DRC8: variants seen among roughly 807,000 people sequenced by gnomAD.
The protein encoded by DRC8 is dynein regulatory complex protein 8.
chr1:245,059,082 G>A, the DRC8 span, among the ~76,000 whole-genome samples: 1 of 152,200 alleles, frequency 6.6e-6, no homozygotes, highest in African/African-American at 2.4e-5. Context: ...GGAAACTGAG[G>A]CTCAAAAGAG....
the DRC8 span, among the ~76,000 whole-genome samples, chr1:245,009,038 T>C: frequency 2.7e-4 from 35 of 128,620 alleles, no homozygotes; most frequent in Admixed American, 1.2e-3. Flanking sequence ...CTTTTTTTTT[T>C]TTTTTTTTTT....
the DRC8 span, among the ~76,000 whole-genome samples, chr1:244,975,904 G>A: frequency 6.6e-6 from 1 of 151,906 alleles, no homozygotes; most frequent in African/African-American, 2.4e-5. Flanking sequence ...AAGGAATGCT[G>A]AATAAATGGG....
chr1:245,109,064 C>T, the DRC8 span, among the ~76,000 whole-genome samples: 50 of 152,198 alleles, frequency 3.3e-4, no homozygotes, highest in South Asian at 1.2e-3. Context: ...GGTGTGTTGT[C>T]GAGCCAGTTA....
the DRC8 span, among the ~76,000 whole-genome samples, chr1:245,009,124 C>T: frequency 1.3e-5 from 2 of 150,104 alleles, no homozygotes; most frequent in African/African-American, 4.9e-5. Flanking sequence ...CAACCTCCAC[C>T]TCCCAAGTTC....
chr1:245,110,494 A>G, the DRC8 span, among the ~76,000 whole-genome samples: 1 of 152,256 alleles, frequency 6.6e-6, no homozygotes, highest in Non-Finnish European at 1.5e-5. Flanking sequence ...TTCTTAAATA[A>G]GACAGGACCT....
the DRC8 span, among the ~76,000 whole-genome samples, chr1:245,052,715 G>A: frequency 2.6e-5 from 4 of 152,224 alleles, no homozygotes; most frequent in African/African-American, 9.6e-5. Context: ...ATACCCAGCA[G>A]CTCTGGAGAA....
chr1:244,993,146 A>G, the DRC8 span, among the ~76,000 whole-genome samples: 3 of 152,342 alleles, frequency 2.0e-5, no homozygotes, highest in Admixed American at 1.3e-4. Flanking sequence ...GTAACCAAAC[A>G]TTACTTTTGC....
At chr1:244,987,912 A>G in the DRC8 span, among the ~76,000 whole-genome samples, 1 of 152,214 alleles carries the variant, frequency 6.6e-6, no homozygotes, top group South Asian at 2.1e-4. Flanking sequence ...CAGCTGCACT[A>G]TTTGTTTAAA....
chr1:245,106,823 T>A, the DRC8 span, among the ~76,000 whole-genome samples: 7 of 152,166 alleles, frequency 4.6e-5, no homozygotes, highest in Non-Finnish European at 8.8e-5. Context: ...GGCTGACGGA[T>A]CACCTGAGGT....
chr1:245,087,332 TAACAA>T, the DRC8 span: 1 of 1,602,276 alleles, frequency 6.2e-7, no homozygotes, highest in Non-Finnish European at 8.5e-7. Context: ...AAGGACTATA[TAACAA>T]TGATGGTGAT....
chr1:245,087,212 T>C, the DRC8 span: 9 of 1,598,354 alleles, frequency 5.6e-6, no homozygotes, highest in Non-Finnish European at 7.7e-6. Context: ...CAGATGATCC[T>C]AAATGATAAA....
the DRC8 span, among the ~76,000 whole-genome samples, chr1:245,055,672 T>G: frequency 6.6e-6 from 1 of 152,186 alleles, no homozygotes; most frequent in African/African-American, 2.4e-5. Flanking sequence ...GTCCTCGATA[T>G]TTGTAACTCA....
the DRC8 span, among the ~76,000 whole-genome samples, chr1:245,013,149 G>C: frequency 2.1e-5 from 1 of 47,222 alleles, no homozygotes; most frequent in Non-Finnish European, 4.1e-5. Context: ...AAAAAACAAA[G>C]AACAAACAAA....
chr1:245,083,527 A>G, the DRC8 span: 2 of 1,581,650 alleles, frequency 1.3e-6, no homozygotes, highest in Admixed American at 3.5e-5. Context: ...ATATATAAAT[A>G]CATTTATTTA....
At chr1:245,008,407 T>G in the DRC8 span, among the ~76,000 whole-genome samples, 2 of 152,188 alleles carry the variant, frequency 1.3e-5, no homozygotes, top group Non-Finnish European at 2.9e-5. Context: ...GTTCCAAATG[T>G]ATTTAAAATG....
At chr1:245,121,380 C>G in the DRC8 span, among the ~76,000 whole-genome samples, 10 of 152,200 alleles carry the variant, frequency 6.6e-5, 1 homozygote, top group Admixed American at 6.5e-5. Flanking sequence ...ATCCAGGGCT[C>G]AGATGCCATG....
At chr1:245,081,757 C>G in the DRC8 span, among the ~76,000 whole-genome samples, 3 of 152,176 alleles carry the variant, frequency 2.0e-5, no homozygotes, top group African/African-American at 7.2e-5. Context: ...GCGTGAGCCA[C>G]CACGCCCGGC....
At chr1:245,056,303 CT>C in the DRC8 span, among the ~76,000 whole-genome samples, 71 of 149,854 alleles carry the variant, frequency 4.7e-4, no homozygotes, top group African/African-American at 1.5e-3. Flanking sequence ...TTGCTTAATA[CT>C]TTTTTTTTTG....
At chr1:245,078,667 T>TG in the DRC8 span, among the ~76,000 whole-genome samples, 1 of 151,088 alleles carries the variant, frequency 6.6e-6, no homozygotes, top group Non-Finnish European at 1.5e-5. Flanking sequence ...TAACCGGGGG[T>TG]GGGGGTAGAG....
Sources: allele counts gnomAD v4.1 joint callset (sites outside exome capture counted in the v4.1 genomes callset), GRCh38; gene constraint gnomAD v4.1.1; transcripts MANE v1.5; gene names NCBI Gene and HGNC (gene_info 2026-07-23, HGNC 2026-07-21).